Variants in DLGAP2 observed in about 807,000 individuals in gnomAD.
DLGAP2 encodes DLG associated protein 2.
Under a neutral mutation model 100.3 loss-of-function variants are expected in DLGAP2, and 26 were observed. That is an observed-to-expected ratio of 0.26 (90% CI 0.19 to 0.36). DLGAP2 has a LOEUF of 0.36. Among genes scored for constraint, DLGAP2 ranks in the 10% least tolerant of loss-of-function variants. DLGAP2 has a pLI of 1.00. For synonymous variants in DLGAP2, 886 were observed against 630.1 expected, an observed-to-expected ratio of 1.41 and a Z score of -6.08; for missense variants, 1,858 against 1,453.2, an observed-to-expected ratio of 1.28 and a Z score of -4.53.
At position 763,697 on chromosome 8, in the gene DLGAP2, C is replaced by T. The variant is rs558700795; in HGVS notation, c.18+25872C>T. ...AGGGCAGCACACCTCACCGGGGACT[C>T]GGTGTGTCCTTCGTCTCAAAGACAA... On this transcript the variant is annotated intron_variant, in intron 1 of 14. Coordinates refer to ENST00000637795, the MANE Select transcript of DLGAP2 (RefSeq NM_001346810.2). Among the ~76,000 whole-genome samples the T allele has an allele frequency of 2.6e-5, 4 of 152,012 alleles. No individual in the cohort carries two copies. In the South Asian group the frequency reaches 6.3e-4, roughly 24 times the overall value.
intron 8 of DLGAP2, among the ~76,000 whole-genome samples, chr8:1,634,446 G>A (rs1373667550): frequency 2.0e-5 from 3 of 152,170 alleles, no homozygotes; most frequent in Admixed American, 1.3e-4. Context: ...CCCAGGTGCA[G>A]CCACCGGGCA....
chr8:1,558,135 G>A (rs1253544835), intron 5 of DLGAP2, among the ~76,000 whole-genome samples: 1 of 152,210 alleles, frequency 6.6e-6, no homozygotes, highest in Non-Finnish European at 1.5e-5. Flanking sequence ...TCCCATGTGG[G>A]TGGGGTTATG....
At chr8:1,363,911 G>A (rs1048295478) in intron 3 of DLGAP2, among the ~76,000 whole-genome samples, 1 of 152,112 alleles carries the variant, frequency 6.6e-6, no homozygotes, top group Non-Finnish European at 1.5e-5. Context: ...TGTGCCGGCT[G>A]GGGGGTCCCT....
chr8:1,095,524 C>T (rs576568273), intron 2 of DLGAP2, among the ~76,000 whole-genome samples: 2 of 152,246 alleles, frequency 1.3e-5, no homozygotes, highest in Non-Finnish European at 2.9e-5. Flanking sequence ...TTTCTGAGCC[C>T]CCTTGCTTTG....
intron 3 of DLGAP2, among the ~76,000 whole-genome samples, chr8:1,354,672 A>G (rs1307589811): frequency 4.6e-5 from 4 of 86,532 alleles, no homozygotes; most frequent in African/African-American, 1.4e-4. Context: ...GTCACGGATG[A>G]TGCTGCGGAT....
At chr8:1,163,885 G>T (rs1401720465) in intron 2 of DLGAP2, among the ~76,000 whole-genome samples, 1 of 152,200 alleles carries the variant, frequency 6.6e-6, no homozygotes, top group Non-Finnish European at 1.5e-5. Context: ...CTTGCTGTTG[G>T]GCTCCCTTCA....
intron 2 of DLGAP2, among the ~76,000 whole-genome samples, chr8:970,100 A>G (rs1799976799): frequency 6.6e-6 from 1 of 152,074 alleles, no homozygotes; most frequent in African/African-American, 2.4e-5. Flanking sequence ...CTGCTCATTA[A>G]CCTAAAGAAA....
chr8:753,541 A>C (rs1453957555), intron 1 of DLGAP2: 1 of 152,244 alleles, frequency 6.6e-6, no homozygotes, highest in East Asian at 1.9e-4. Context: ...AGGAATGAGA[A>C]GTTCTCCGCG....
intron 3 of DLGAP2, among the ~76,000 whole-genome samples, chr8:1,462,946 A>G (rs953573244): frequency 3.9e-5 from 6 of 152,320 alleles, no homozygotes; most frequent in Admixed American, 1.3e-4. Flanking sequence ...AGAAGTTGGA[A>G]GTAAAATTAA....
intron 3 of DLGAP2, among the ~76,000 whole-genome samples, chr8:1,405,312 A>G (rs1796554601): frequency 7.2e-5 from 1 of 13,856 alleles, no homozygotes; most frequent in African/African-American, 2.5e-4. Context: ...AGAGTCGTGT[A>G]TTGAGTGCTT....
intron 4 of DLGAP2, among the ~76,000 whole-genome samples, chr8:1,522,142 G>A (rs1224483272): frequency 2.6e-5 from 4 of 152,188 alleles, no homozygotes; most frequent in African/African-American, 7.2e-5. Context: ...GGCACGTGGT[G>A]TGGAGCATCT....
chr8:1,244,717 G>T (rs1354573200), intron 2 of DLGAP2, among the ~76,000 whole-genome samples: 1 of 152,108 alleles, frequency 6.6e-6, no homozygotes, highest in Non-Finnish European at 1.5e-5. Context: ...ATTAAGCAGT[G>T]GTTTCTTAGA....
chr8:849,657 G>A (rs1168900715), intron 1 of DLGAP2, among the ~76,000 whole-genome samples: 1 of 152,170 alleles, frequency 6.6e-6, no homozygotes, highest in African/African-American at 2.4e-5. Context: ...ATAGTGGAGA[G>A]TTGTATCTCT....
intron 2 of DLGAP2, among the ~76,000 whole-genome samples, chr8:1,152,644 C>A (rs1796716237): frequency 6.6e-6 from 1 of 152,112 alleles, no homozygotes; most frequent in Admixed American, 6.5e-5. Flanking sequence ...GGGGTGCCTG[C>A]AGGGCCTCCT....
intron 1 of DLGAP2, among the ~76,000 whole-genome samples, chr8:902,228 C>G (rs1367775428): frequency 6.6e-6 from 1 of 152,168 alleles, no homozygotes; most frequent in Non-Finnish European, 1.5e-5. Context: ...TCCTCTCGGG[C>G]TCTGATCATT....
intron 1 of DLGAP2, among the ~76,000 whole-genome samples, chr8:873,517 T>C (rs988172042): frequency 3.9e-5 from 6 of 152,220 alleles, no homozygotes; most frequent in Non-Finnish European, 7.3e-5. Flanking sequence ...TTCTAACTTA[T>C]TGCTTGTTTT....
At chr8:1,619,899 A>T (rs1429161012) in intron 6 of DLGAP2, 2 of 152,308 alleles carry the variant, frequency 1.3e-5, no homozygotes, top group East Asian at 3.9e-4. Flanking sequence ...CCGACCTGTA[A>T]AGCACATTTC....
intron 1 of DLGAP2, among the ~76,000 whole-genome samples, chr8:862,032 T>C (rs1330721412): frequency 6.6e-6 from 1 of 152,242 alleles, no homozygotes; most frequent in East Asian, 1.9e-4. Flanking sequence ...TCCAACCTTC[T>C]GCATCAGTGT....
At chr8:1,158,735 G>A (rs1162921594) in intron 2 of DLGAP2, among the ~76,000 whole-genome samples, 1 of 152,214 alleles carries the variant, frequency 6.6e-6, no homozygotes, top group Non-Finnish European at 1.5e-5. Flanking sequence ...AGCCACGCGG[G>A]TCCTGGTGGC....
Sources: gnomAD v4.1 joint callset for allele counts (sites outside exome capture counted in the v4.1 genomes callset) on GRCh38, gnomAD v4.1.1 for gene constraint, MANE v1.5 for transcripts, NCBI Gene and HGNC (gene_info 2026-07-23, HGNC 2026-07-21) for gene names.